The following XYLT1 variants were observed in gnomAD, a reference collection of about 807,000 sequenced individuals.
The protein encoded by XYLT1 is xylosyltransferase 1, also known as beta-D-xylosyltransferase 1.
XYLT1 carries 36 observed loss-of-function variants against 91.3 expected under a neutral mutation model. That is an observed-to-expected ratio of 0.39 (90% CI 0.30 to 0.52). The LOEUF is 0.52. Among genes scored for constraint, XYLT1 ranks in the 20% least tolerant of loss-of-function variants. XYLT1 has a pLI of 0.68. For missense variants in XYLT1, 1,242 were observed against 1,284.5 expected, an observed-to-expected ratio of 0.97 and a Z score of 0.51; for synonymous variants, 588 against 532.0, an observed-to-expected ratio of 1.11 and a Z score of -1.45.
rs536472449 is a variant in XYLT1, at chr16:17,401,705, G to GTTATTATTATTATTA, written c.364-43670_364-43656dup. On this transcript the variant is annotated intron_variant, in intron 1 of 11. Transcript: ENST00000261381. ...GTTCAATGAAGGGTTAGTGGCTATGGTTATTATTATTATTATTATTATTAT... is the reference window on the plus strand; with the variant it reads ...GTTCAATGAAGGGTTAGTGGCTATGGTTATTATTATTATTATTATTATTATTATTATTATTATTAT... Among the ~76,000 whole-genome samples the GTTATTATTATTATTA allele has an allele frequency of 1.6e-4, 24 of 150,202 alleles. No individual in the cohort carries two copies. In the South Asian group the frequency reaches 1.9e-3, roughly 12 times the overall value.
At chr16:17,262,391 G>C (rs2033735887) in intron 2 of XYLT1, among the ~76,000 whole-genome samples, 1 of 152,168 alleles carries the variant, frequency 6.6e-6, no homozygotes, top group South Asian at 2.1e-4. Flanking sequence ...GCATCTGCCT[G>C]ATTCTAAAAT....
intron 2 of XYLT1, among the ~76,000 whole-genome samples, chr16:17,270,256 T>C (rs890610227): frequency 1.3e-5 from 2 of 152,268 alleles, no homozygotes; most frequent in African/African-American, 4.8e-5. Context: ...TTGTTTATGT[T>C]TGACGCAGCC....
intron 1 of XYLT1, among the ~76,000 whole-genome samples, chr16:17,440,243 G>A (rs4781980): frequency 0.32 from 48,383 of 152,106 alleles, 9,038 homozygotes; most frequent in African/African-American, 0.51. Flanking sequence ...AGATCTGGCC[G>A]TCAACATGAA....
chr16:17,125,060 T>A (rs571599939), intron 10 of XYLT1, among the ~76,000 whole-genome samples: 6 of 152,352 alleles, frequency 3.9e-5, no homozygotes, highest in African/African-American at 1.4e-4. Flanking sequence ...GGCTTAATAG[T>A]CGAACTTCTT....
At chr16:17,170,338 G>A (rs1424166589) in intron 5 of XYLT1, among the ~76,000 whole-genome samples, 2 of 152,188 alleles carry the variant, frequency 1.3e-5, no homozygotes, top group Admixed American at 1.3e-4. Context: ...GCTACCTGAG[G>A]ACAAGAACTT....
chr16:17,344,194 A>G (rs900174935), intron 2 of XYLT1, among the ~76,000 whole-genome samples: 6 of 152,076 alleles, frequency 3.9e-5, no homozygotes, highest in African/African-American at 1.4e-4. Context: ...GCCTCACAAC[A>G]AAGAATAATC....
At position 17,470,490 on chromosome 16, in the gene XYLT1, C is replaced by T. The variant is rs370511358; in HGVS notation, c.307G>A (p.Gly103Arg). Residue 103 changes from glycine to arginine, a missense_variant, in exon 1 of 12, where the codon GGA becomes AGA. Around this residue, in one of 3 missense-constraint regions of XYLT1, gnomAD observed 437 missense variants for 411.5 expected, o/e 1.06. Transcript: ENST00000261381. ...PQARARGGGP[G>R]EPRGQQPASR... is the part of the protein sequence containing the mutation. ...GCCGGCTGCTGTCCCCGCGGTTCTC[C>T]GGGGCCGCCTCCCCGCGCCCGCGCC... is the stretch of plus-strand genomic sequence containing the variant. 2.6e-4 allele frequency: 321 copies of T among 1,231,668 alleles called. 1 individual carries two copies. In the African/African-American group the frequency reaches 4.4e-3, roughly 17 times the overall value. The allele number at this position is 1,231,668 out of a possible 1,614,324, so 76.3% of individuals were successfully genotyped here. A position where few individuals can be genotyped will look rare whatever the true frequency, so the allele number is the denominator to read the frequency against.
intron 1 of XYLT1, chr16:17,445,733 A>C (rs1459374566): frequency 1.3e-5 from 2 of 152,216 alleles, no homozygotes; most frequent in South Asian, 2.1e-4. Flanking sequence ...GCGGAGAAAC[A>C]GCTGTTTATA....
At chr16:17,395,868 T>C (rs2141896387) in intron 1 of XYLT1, among the ~76,000 whole-genome samples, 1 of 152,310 alleles carries the variant, frequency 6.6e-6, no homozygotes, top group Non-Finnish European at 1.5e-5. Flanking sequence ...GTCACTCTCA[T>C]CTGTTGGTTG....
intron 1 of XYLT1, among the ~76,000 whole-genome samples, chr16:17,438,444 G>A (rs1418630426): frequency 6.6e-6 from 1 of 152,132 alleles, no homozygotes; most frequent in African/African-American, 2.4e-5. Flanking sequence ...AATGTTAAGT[G>A]GAGGCCAGAT....
At chr16:17,163,878 G>A (rs1325291169) in intron 5 of XYLT1, among the ~76,000 whole-genome samples, 1 of 151,630 alleles carries the variant, frequency 6.6e-6, no homozygotes, top group Non-Finnish European at 1.5e-5. Context: ...GTGAAACCCC[G>A]TCTCTACTAA....
intron 1 of XYLT1, among the ~76,000 whole-genome samples, chr16:17,373,824 A>C (rs934352459): frequency 6.6e-6 from 1 of 152,230 alleles, no homozygotes; most frequent in Non-Finnish European, 1.5e-5. Context: ...CTGCTCGTGA[A>C]CACTATTCTC....
At chr16:17,388,268 A>T (rs537581757) in intron 1 of XYLT1, among the ~76,000 whole-genome samples, 11 of 152,172 alleles carry the variant, frequency 7.2e-5, no homozygotes, top group Non-Finnish European at 1.5e-4. Context: ...AAAGATCAAA[A>T]CTCAAAATTC....
At chr16:17,240,012 T>G (rs762188357) in intron 3 of XYLT1, among the ~76,000 whole-genome samples, 5 of 152,242 alleles carry the variant, frequency 3.3e-5, no homozygotes, top group Non-Finnish European at 7.3e-5. Context: ...CCTGCCCTCC[T>G]GGATCTTTTA....
intron 3 of XYLT1, among the ~76,000 whole-genome samples, chr16:17,254,881 T>C (rs142286254): frequency 0.018 from 2,787 of 152,286 alleles, 98 homozygotes; most frequent in Admixed American, 0.1. Flanking sequence ...AACCCCAGAA[T>C]TCTTCAAGGG....
At chr16:17,451,493 C>T (rs1226140359) in intron 1 of XYLT1, among the ~76,000 whole-genome samples, 1 of 152,244 alleles carries the variant, frequency 6.6e-6, no homozygotes, top group African/African-American at 2.4e-5. Context: ...CTGTCCACTG[C>T]TCCAACCCCA....
intron 2 of XYLT1, among the ~76,000 whole-genome samples, chr16:17,320,952 ATG>A (rs1237841865): frequency 6.6e-6 from 1 of 152,066 alleles, no homozygotes; most frequent in Admixed American, 6.6e-5. Context: ...TATGCCTTGT[ATG>A]TGAATAAATG....
At chr16:17,145,852 C>G (rs2031117127) in intron 6 of XYLT1, among the ~76,000 whole-genome samples, 1 of 152,270 alleles carries the variant, frequency 6.6e-6, no homozygotes. Context: ...GCTCAGAGTT[C>G]TAGAGCTGTC....
At chr16:17,272,325 G>A (rs2033909584) in intron 2 of XYLT1, among the ~76,000 whole-genome samples, 1 of 151,878 alleles carries the variant, frequency 6.6e-6, no homozygotes, top group African/African-American at 2.4e-5. Context: ...ACCATGCCCG[G>A]CTAATTTTTT....
Sources: gnomAD v4.1 joint callset for allele counts (sites outside exome capture counted in the v4.1 genomes callset) on GRCh38, gnomAD v4.1.1 for gene constraint, gnomAD v4.1.1 regional missense constraint, MANE v1.5 for transcripts, NCBI Gene and HGNC (gene_info 2026-07-23, HGNC 2026-07-21) for gene names.